Variants in BTBD7 observed in about 807,000 individuals in gnomAD.
BTBD7 encodes the protein BTB/POZ domain-containing protein 7.
Under a neutral mutation model 99.9 loss-of-function variants are expected in BTBD7, and 38 were observed. That is an observed-to-expected ratio of 0.38 (90% CI 0.29 to 0.50). The LOEUF is 0.50. BTBD7 is among the 20% of genes least tolerant of loss of function. The probability of loss-of-function intolerance (pLI) is 0.93; values close to 1 mark genes in which losing one functional copy is unlikely to be tolerated. For synonymous variants in BTBD7, 520 were observed against 511.4 expected (o/e 1.02, Z -0.23); for missense variants, 1,170 against 1,394.6 (o/e 0.84, Z 2.57).
At position 93,261,633 on chromosome 14, in the gene BTBD7, C is replaced by T; in HGVS notation, c.1416G>A (p.Glu472=). The T allele has an allele frequency of 4.3e-6, 7 of 1,612,150 alleles. No individual in the cohort carries two copies. Among genetic ancestry groups the T allele is most frequent in the Middle Eastern group, 3.3e-4 (2 of 6,054 alleles). Residue 472 remains glutamate (E), a synonymous_variant, in exon 5 of 11, where the codon GAG becomes GAA. Coordinates refer to ENST00000334746, the MANE Select transcript of BTBD7 (RefSeq NM_001002860.4). ...CTGCTATTCTTTTCATCAACTGATGCTCTCCCCATTTAATCAGATATTTAA... is the reference window on the plus strand; with the variant it reads ...CTGCTATTCTTTTCATCAACTGATGTTCTCCCCATTTAATCAGATATTTAA... ...DILKYLIKWG[E]HQLMKRIADR...
In BTBD7 at chr14:93,243,096, C is replaced by G. The variant is rs1566832079; in HGVS notation, c.2584-8G>C. 3.7e-6 allele frequency: 6 copies of G among 1,600,846 alleles called. No individual in the cohort carries two copies. The highest frequency in any genetic ancestry group is 3.3e-5 in the South Asian group (3 of 90,424). On this transcript the variant is annotated splice_region_variant and splice_polypyrimidine_tract_variant and intron_variant, in intron 10 of 10. Transcript: ENST00000334746. ...CAGCACAGGTTGTGTTCGCTGCAGA[C>G]AGAGACAAAAATGGTGGGAGGGTTA...
intron 1 of BTBD7, among the ~76,000 whole-genome samples, chr14:93,301,549 G>A (rs1372336352): frequency 2.0e-5 from 3 of 151,904 alleles, no homozygotes; most frequent in South Asian, 2.1e-4. Context: ...AATTAGCCAG[G>A]TGTAGTGGTA....
chr14:93,298,465 T>C (rs1033588087), intron 1 of BTBD7, among the ~76,000 whole-genome samples: 14 of 152,182 alleles, frequency 9.2e-5, no homozygotes, highest in African/African-American at 1.2e-4. Context: ...AAATATTGTA[T>C]AAAATTACCT....
At chr14:93,308,012 C>T (rs182932775) in intron 1 of BTBD7, among the ~76,000 whole-genome samples, 15 of 152,170 alleles carry the variant, frequency 9.9e-5, no homozygotes, top group Middle Eastern at 3.4e-3. Context: ...TAAAAAATTG[C>T]GGCCGGGCAC....
chr14:93,326,574 G>T (rs1199933477), intron 1 of BTBD7, among the ~76,000 whole-genome samples: 1 of 152,176 alleles, frequency 6.6e-6, no homozygotes, highest in African/African-American at 2.4e-5. Context: ...GGCTGAGGCG[G>T]GTGGGTCACC....
intron 5 of BTBD7, among the ~76,000 whole-genome samples, chr14:93,260,985 G>A (rs980782718): frequency 6.6e-6 from 1 of 152,060 alleles, no homozygotes; most frequent in Admixed American, 6.6e-5. Context: ...CTGCCTCCCA[G>A]GTTCAAGTGA....
intron 1 of BTBD7, among the ~76,000 whole-genome samples, chr14:93,315,931 T>C (rs2053198332): frequency 6.6e-6 from 1 of 150,930 alleles, no homozygotes; most frequent in East Asian, 2.0e-4. Flanking sequence ...CTTAAGTATA[T>C]GCCTAGGAGC....
intron 1 of BTBD7, among the ~76,000 whole-genome samples, chr14:93,300,702 ATTTG>A (rs1297622050): frequency 7.4e-5 from 8 of 107,556 alleles, no homozygotes; most frequent in Non-Finnish European, 1.2e-4. Context: ...TGCCCAGCTA[ATTTG>A]TGTGTGTGTG....
At chr14:93,256,341 A>G (rs1258643352) in intron 6 of BTBD7, 3 of 152,142 alleles carry the variant, frequency 2.0e-5, no homozygotes, top group African/African-American at 7.2e-5. Context: ...TAAGCATTAT[A>G]TTAAGTTTAT....
intron 3 of BTBD7, among the ~76,000 whole-genome samples, chr14:93,268,260 A>G (rs556240415): frequency 6.2e-4 from 95 of 152,294 alleles, no homozygotes; most frequent in Middle Eastern, 3.4e-3. Context: ...ACTGCTCCTC[A>G]AAGCCTTAGG....
chr14:93,313,657 T>C lies in BTBD7; in HGVS notation c.-106-17500A>G, dbSNP rs577932401. ...AGTGAAGAGGAAAGTATCTGAATTTTTGACTTATCCTAAAATGAAACTACA... is the reference window on the plus strand; with the variant it reads ...AGTGAAGAGGAAAGTATCTGAATTTCTGACTTATCCTAAAATGAAACTACA... On this transcript the variant is annotated intron_variant, in intron 1 of 10. Transcript: ENST00000334746. Among the ~76,000 whole-genome samples the C allele has an allele frequency of 3.3e-5, 5 of 151,330 alleles. No homozygotes were observed. The East Asian group carries it at 9.7e-4, about 29-fold the overall frequency.
chr14:93,244,257 T>TA, intron 10 of BTBD7: 1 of 297,122 alleles, frequency 3.4e-6, no homozygotes, highest in Admixed American at 3.7e-5. Flanking sequence ...TGCTGGCTAT[T>TA]AAGAGATGCA....
chr14:93,266,885 G>C (rs2052548788), intron 3 of BTBD7, among the ~76,000 whole-genome samples: 1 of 152,202 alleles, frequency 6.6e-6, no homozygotes, highest in Admixed American at 6.5e-5. Flanking sequence ...GTGAAGATGT[G>C]CTAATGAGAA....
rs34523849 is a variant in BTBD7, at chr14:93,325,106, ATTTTTTTTTT to A, written c.-107+7704_-107+7713del. ...TTAAGTAGAGAAGCAGCATGCTCCA[ATTTTTTTTTT>A]TTTTTTTTTTTTTTTGAGACAGAGT... On this transcript the variant is annotated intron_variant, in intron 1 of 10. Coordinates refer to ENST00000334746, the MANE Select transcript of BTBD7 (RefSeq NM_001002860.4). Among the ~76,000 whole-genome samples, 9 of 105,562 alleles carry A rather than the reference ATTTTTTTTTT, an allele frequency of 8.5e-5. No individual in the cohort carries two copies. The South Asian group carries it at 2.5e-3, about 29-fold the overall frequency. The allele number at this position is 105,562 out of a possible 152,430, so 69.3% of individuals were successfully genotyped here.
chr14:93,237,950 C>A lies in BTBD7; in HGVS notation c.*4323G>T, dbSNP rs1257519370. The A allele has an allele frequency of 6.6e-6, 1 of 152,528 alleles. No homozygotes were observed. The highest frequency in any genetic ancestry group is 2.4e-5 in the African/African-American group (1 of 41,446). The allele number at this position is 152,528 out of a possible 1,614,324, so 9.4% of individuals were successfully genotyped here. ...ACGCAGTGTTGTAGATGATTTTCCA[C>A]CTCTCTGAAGTACAGATGTGGTGCA... On this transcript the variant is annotated 3_prime_UTR_variant, in exon 11 of 11. Transcript: ENST00000334746.
At chr14:93,287,608 GCAC>G (rs1276824100) in intron 3 of BTBD7, 12 of 151,844 alleles carry the variant, frequency 7.9e-5, no homozygotes, top group African/African-American at 2.9e-4. Flanking sequence ...CTTCATAAAT[GCAC>G]CACAAGAGCC....
At chr14:93,281,472 A>G (rs886718317) in intron 3 of BTBD7, among the ~76,000 whole-genome samples, 2 of 152,192 alleles carry the variant, frequency 1.3e-5, no homozygotes, top group Non-Finnish European at 2.9e-5. Context: ...GTTATCACAG[A>G]GGAGTGAGAC....
At chr14:93,299,508 G>C (rs2052967670) in intron 1 of BTBD7, among the ~76,000 whole-genome samples, 1 of 152,132 alleles carries the variant, frequency 6.6e-6, no homozygotes, top group Non-Finnish European at 1.5e-5. Context: ...ACAGGACTTG[G>C]AGAGGCCCAG....
rs770797086 is a variant in BTBD7 at position 93,253,768 on chromosome 14, G to A, written c.1631C>T (p.Thr544Ile). The change falls in exon 7 of 11, where the codon ACT becomes ATT. Residue 544 changes from threonine to isoleucine, a missense_variant. This residue lies in a region of BTBD7 where 309 missense variants were observed against 342.0 expected (regional missense o/e 0.90). Coordinates refer to ENST00000334746, the MANE Select transcript of BTBD7 (RefSeq NM_001002860.4). ...TGTAGGAAGCATATCTGATGGAGGA[G>A]TACTAATCAAGCCTCTTTTCATCTA... ...SDAMKRGLIS[T>I]PPSDMLPTTE... 1.9e-6 allele frequency: 3 copies of A among 1,597,820 alleles called. No homozygotes were observed. Among genetic ancestry groups the A allele is most frequent in the Non-Finnish European group, 1.7e-6 (2 of 1,169,824 alleles).
Sources: gnomAD v4.1 joint callset for allele counts (sites outside exome capture counted in the v4.1 genomes callset) on GRCh38, gnomAD v4.1.1 for gene constraint, gnomAD v4.1.1 regional missense constraint, MANE v1.5 for transcripts, NCBI Gene and HGNC (gene_info 2026-07-23, HGNC 2026-07-21) for gene names.